The following HAUS5 variants were observed in gnomAD, a reference collection of about 807,000 sequenced individuals.
HAUS5 encodes HAUS augmin-like complex subunit 5.
A neutral mutation model predicts 94.1 loss-of-function variants in HAUS5; 67 were observed. That is an observed-to-expected ratio of 0.71 (90% CI 0.58 to 0.87). The LOEUF (loss-of-function observed/expected upper bound fraction) is 0.87, where lower values mean the gene tolerates loss of function less well. Ranked by LOEUF, HAUS5 falls within the 40% of genes least tolerant of loss-of-function variation. HAUS5 has a pLI of 0.00. For synonymous variants in HAUS5, 339 were observed against 355.4 expected (o/e 0.95, Z 0.52); for missense variants, 739 against 825.6 (o/e 0.90, Z 1.29).
chr19:35,625,179 TATA>T lies in HAUS5; in HGVS notation c.*2187_*2189del, dbSNP rs1342203791. The T allele has an allele frequency of 6.6e-6, 1 of 152,222 alleles. No homozygotes were observed. 9.4% of individuals were successfully genotyped at this position (152,222 alleles called of 1,614,324 possible). On this transcript the variant is annotated 3_prime_UTR_variant, in exon 19 of 19. Coordinates refer to ENST00000203166, the MANE Select transcript of HAUS5 (RefSeq NM_015302.2). ...CGTTTAAATTTTTGAGATTCTACCT[TATA>T]TTTTTTGAATTATATACTAAAGCAA...
At chr19:35,613,934 T>C in intron 3 of HAUS5, 34 bp downstream of exon 3, 4 of 1,612,468 alleles carry the variant, frequency 2.5e-6, no homozygotes, top group Non-Finnish European at 3.4e-6. Flanking sequence ...CCTCCTGTCT[T>C]CCCCACTCCC....
At position 35,615,279 on chromosome 19, in the gene HAUS5, T is replaced by C; in HGVS notation, c.378T>C (p.Ala126=). The C allele has an allele frequency of 1.2e-6, 2 of 1,613,802 alleles. No homozygotes were observed. Among genetic ancestry groups the C allele is most frequent in the Non-Finnish European group, 1.7e-6 (2 of 1,179,964 alleles). ...RQHTQDTQRR[A]LLLRAQAGAM... is the part of the protein sequence containing the mutation. ...ACACTCAAGACACCCAGCGTCGAGCTCTCCTCCTCCGGGCCCAAGCTGGGG... is the reference window on the plus strand; with the variant it reads ...ACACTCAAGACACCCAGCGTCGAGCCCTCCTCCTCCGGGCCCAAGCTGGGG... Residue 126 remains alanine, a synonymous_variant, in exon 6 of 19, where the codon GCT becomes GCC. Coordinates refer to ENST00000203166, the MANE Select transcript of HAUS5 (RefSeq NM_015302.2).
intron 4 of HAUS5, 62 bp from the exon 5 acceptor site, chr19:35,614,980 C>T: frequency 7.6e-7 from 1 of 1,309,132 alleles, no homozygotes; most frequent in Non-Finnish European, 1.1e-6. Context: ...CCTGGTACCC[C>T]CAAAAGACAG....
chr19:35,619,915 C>A, intron 15 of HAUS5, 97 bp from the exon 16 acceptor site: 1 of 1,541,882 alleles, frequency 6.5e-7, no homozygotes, highest in Non-Finnish European at 8.7e-7. Context: ...GCATCCTAGT[C>A]CCCAGACCCA....
intron 6 of HAUS5, among the ~76,000 whole-genome samples, chr19:35,616,452 A>G (rs1342984709): frequency 1.3e-5 from 2 of 152,162 alleles, no homozygotes; most frequent in Non-Finnish European, 2.9e-5. Context: ...GGTGGAATAA[A>G]TCATGTGAAG....
intron 4 of HAUS5, 121 bp downstream of exon 4, chr19:35,614,180 C>G: frequency 2.3e-6 from 2 of 880,464 alleles, no homozygotes; most frequent in East Asian, 5.1e-5. Flanking sequence ...CAGCCTTGAT[C>G]TCCATCCTCA....
chr19:35,613,638 T>C lies in HAUS5; in HGVS notation c.99-92T>C, dbSNP rs558394028. 38 of 1,038,838 alleles carry C rather than the reference T, an allele frequency of 3.7e-5. No homozygotes were observed. The Admixed American group carries it at 8.2e-4, about 22-fold the overall frequency. 64.4% of individuals were successfully genotyped at this position (1,038,838 alleles called of 1,614,324 possible). On this transcript the variant is annotated intron_variant, in intron 1 of 18. Coordinates refer to ENST00000203166, the MANE Select transcript of HAUS5 (RefSeq NM_015302.2). ...CCCTCCTCAAGAAGTGAGAACTCCCTAGTAAAAACTCCCTACCACCATCAC... is the reference window on the plus strand; with the variant it reads ...CCCTCCTCAAGAAGTGAGAACTCCCCAGTAAAAACTCCCTACCACCATCAC...
chr19:35,617,921 G>A lies in HAUS5; in HGVS notation c.696+9G>A, dbSNP rs764301170. On this transcript the variant is annotated intron_variant, in intron 9 of 18. Coordinates refer to ENST00000203166, the MANE Select transcript of HAUS5 (RefSeq NM_015302.2). ...GGCTGAGCTCAGTGGAGGTGAGAGG[G>A]CAGGGCTCTCAGGAAAGCCACACCC... is the stretch of plus-strand genomic sequence containing the variant. 2 of 1,613,464 alleles carry A rather than the reference G, an allele frequency of 1.2e-6. No homozygotes were observed.
chr19:35,621,474 C>G (rs1415997757), intron 17 of HAUS5, among the ~76,000 whole-genome samples: 1 of 152,216 alleles, frequency 6.6e-6, no homozygotes, highest in African/African-American at 2.4e-5. Flanking sequence ...TCCCGAGTAG[C>G]TGGGACCACA....
chr19:35,623,079 C>T lies in HAUS5; in HGVS notation c.*86C>T. 1.0e-6 allele frequency: 1 copy of T among 953,024 alleles called. No individual in the cohort carries two copies. Among genetic ancestry groups the T allele is most frequent in the Non-Finnish European group, 1.6e-6 (1 of 616,044 alleles). The allele number at this position is 953,024 out of a possible 1,614,324, so 59.0% of individuals were successfully genotyped here. A position where few individuals can be genotyped will look rare whatever the true frequency, so the allele number is the denominator to read the frequency against. On this transcript the variant is annotated 3_prime_UTR_variant, in exon 19 of 19. Transcript: ENST00000203166. ...CCAGGACATTTGGAAGAAAGCAGCG[C>T]CAGGATTCCTCGGCAGTCGTCCCCA... is the stretch of plus-strand genomic sequence containing the variant.
intron 17 of HAUS5, among the ~76,000 whole-genome samples, chr19:35,621,661 G>A (rs1217776499): frequency 6.6e-6 from 1 of 152,074 alleles, no homozygotes; most frequent in Non-Finnish European, 1.5e-5. Context: ...GCTGCACCCA[G>A]AAACCCAGGA....
chr19:35,620,465 C>G (rs1416916775), intron 17 of HAUS5, 138 bp downstream of exon 17: 1 of 738,758 alleles, frequency 1.4e-6, no homozygotes, highest in Non-Finnish European at 2.2e-6. Context: ...TCCCTTGTTT[C>G]ATCTGCACGG....
chr19:35,616,891 C>G (rs547694020), intron 6 of HAUS5, among the ~76,000 whole-genome samples: 2 of 152,202 alleles, frequency 1.3e-5, no homozygotes, highest in Non-Finnish European at 2.9e-5. Flanking sequence ...GATCTTCCTA[C>G]AGTTTTAACA....
chr19:35,618,759 T>C (rs1318314991), intron 12 of HAUS5, 60 bp downstream of exon 12: 29 of 1,535,566 alleles, frequency 1.9e-5, no homozygotes, highest in Non-Finnish European at 2.5e-5. Context: ...TCTCAGCCCA[T>C]TGGACTTTTT....
In HAUS5 at chr19:35,624,155, A is replaced by AG. The variant is rs1451858164; in HGVS notation, c.*1163dup. 1 of 116,658 alleles carries AG rather than the reference A, an allele frequency of 8.6e-6. No individual in the cohort carries two copies. Among genetic ancestry groups the AG allele is most frequent in the African/African-American group, 3.4e-5 (1 of 29,658 alleles). The allele number at this position is 116,658 out of a possible 1,614,324, so 7.2% of individuals were successfully genotyped here. On this transcript the variant is annotated 3_prime_UTR_variant, in exon 19 of 19. Transcript: ENST00000203166. ...AGTCTCATTCTGTTGCCCAAGTTGGAGTGCAGTGGCATGATCTCAGCTCAC... is the reference window on the plus strand; with the variant it reads ...AGTCTCATTCTGTTGCCCAAGTTGGAGGTGCAGTGGCATGATCTCAGCTCAC...
rs746823363 is a variant in HAUS5, at chr19:35,618,043, G to GC, written c.697-25dup. On this transcript the variant is annotated intron_variant, in intron 9 of 18. Coordinates refer to ENST00000203166, the MANE Select transcript of HAUS5 (RefSeq NM_015302.2). ...CAGCTCACAGCCCTGCCCCGATCCT[G>GC]CCCTGACTTCACCCTCCCTCCCCCT... 16 of 1,583,156 alleles carry GC rather than the reference G, an allele frequency of 1.0e-5. 1 individual carries two copies. In the South Asian group the frequency reaches 1.8e-4, roughly 18 times the overall value.
At position 35,623,392 on chromosome 19, in the gene HAUS5, G is replaced by C. The variant is rs543032317; in HGVS notation, c.*399G>C. 1.7e-5 allele frequency: 3 copies of C among 178,324 alleles called. No individual in the cohort carries two copies. The highest frequency in any genetic ancestry group is 7.2e-5 in the African/African-American group (3 of 41,840). The allele number at this position is 178,324 out of a possible 1,614,324, so 11.0% of individuals were successfully genotyped here. On this transcript the variant is annotated 3_prime_UTR_variant, in exon 19 of 19. Transcript: ENST00000203166. ...TAACTGCTGTGTGGGAAATCCAGCAGGGGGTGGGATGTGTGATTTGAATTG... is the reference window on the plus strand; with the variant it reads ...TAACTGCTGTGTGGGAAATCCAGCACGGGGTGGGATGTGTGATTTGAATTG...
chr19:35,615,122 G>T lies in HAUS5; in HGVS notation c.300G>T (p.Leu100=), dbSNP rs1382392213. ...AGGAACTCGACCAGAGCCTGGAGCTGATGGAGCGAGACACTGAGGCTCAGG... is the reference window on the plus strand; with the variant it reads ...AGGAACTCGACCAGAGCCTGGAGCTTATGGAGCGAGACACTGAGGCTCAGG... The part of the protein sequence containing the change: ...EIQELDQSLE[L]MERDTEAQDT... Residue 100 remains leucine (L), a synonymous_variant, in exon 5 of 19, where the codon CTG becomes CTT. Transcript: ENST00000203166. 8 of 1,609,660 alleles carry T rather than the reference G, an allele frequency of 5.0e-6. No individual in the cohort carries two copies. Among genetic ancestry groups the T allele is most frequent in the African/African-American group, 1.3e-5 (1 of 74,850 alleles).
At chr19:35,619,386 C>G (rs1412651063) in intron 13 of HAUS5, 38 bp from the exon 14 acceptor site, 1 of 1,495,366 alleles carries the variant, frequency 6.7e-7, no homozygotes. Flanking sequence ...AGGCTGGGAG[C>G]TGGGAGGAGT....
Sources: gnomAD v4.1 joint callset for allele counts (sites outside exome capture counted in the v4.1 genomes callset) on GRCh38, gnomAD v4.1.1 for gene constraint, MANE v1.5 for transcripts, NCBI Gene and HGNC (gene_info 2026-07-23, HGNC 2026-07-21) for gene names.